TCF7L1: variants seen among roughly 807,000 people sequenced by gnomAD.
TCF7L1 encodes the protein transcription factor 7 like 1.
Under a neutral mutation model 63.7 loss-of-function variants are expected in TCF7L1, and 18 were observed. That is an observed-to-expected ratio of 0.28 (90% CI 0.20 to 0.42). The LOEUF (loss-of-function observed/expected upper bound fraction) is 0.42. Among genes scored for constraint, TCF7L1 ranks in the 10% least tolerant of loss-of-function variants. The pLI is 1.00. For missense variants in TCF7L1, 654 were observed against 779.3 expected (o/e 0.84, Z 1.91); for synonymous variants, 355 against 340.9 (o/e 1.04, Z -0.46).
Position 85,304,301 on chromosome 2 carries a change from C to T in TCF7L1, c.808C>T (p.Pro270Ser). Reference sequence around the variant, plus strand: ...CCTTCCTCCCGGTGGCTTCCGGCACCCTTACCCCGCCCTCGCCATGAACGC... The same window carrying T: ...CCTTCCTCCCGGTGGCTTCCGGCACTCTTACCCCGCCCTCGCCATGAACGC... ...YSLPPGGFRH[P>S]YPALAMNASM... is the part of the protein sequence containing the mutation. Residue 270 changes from proline (P) to serine (S), a missense_variant, in exon 7 of 12, where the codon CCT becomes TCT. Around this residue, in one of 3 missense-constraint regions of TCF7L1, gnomAD observed 404 missense variants for 454.8 expected, o/e 0.89. Coordinates refer to ENST00000282111, the MANE Select transcript of TCF7L1 (RefSeq NM_031283.3). The T allele has an allele frequency of 6.2e-7, 1 of 1,614,110 alleles. No homozygotes were observed. Among genetic ancestry groups the T allele is most frequent in the Non-Finnish European group, 8.5e-7 (1 of 1,180,004 alleles).
chr2:85,256,173 T>C (rs1680712265), intron 3 of TCF7L1, among the ~76,000 whole-genome samples: 1 of 152,230 alleles, frequency 6.6e-6, no homozygotes, highest in African/African-American at 2.4e-5. Context: ...TCGGGCAGTT[T>C]CTGGCTTCGA....
intron 3 of TCF7L1, among the ~76,000 whole-genome samples, chr2:85,212,192 C>T (rs1214575870): frequency 6.6e-6 from 1 of 151,458 alleles, no homozygotes; most frequent in African/African-American, 2.4e-5. Context: ...CGGTAACAGT[C>T]AGCAGCCCCC....
chr2:85,247,947 C>T (rs1184016576), intron 3 of TCF7L1, among the ~76,000 whole-genome samples: 1 of 152,116 alleles, frequency 6.6e-6, no homozygotes, highest in Non-Finnish European at 1.5e-5. Context: ...CGAATCTAGG[C>T]CAGCATGCAG....
intron 3 of TCF7L1, among the ~76,000 whole-genome samples, chr2:85,196,633 G>C (rs140249057): frequency 1.5e-4 from 22 of 151,650 alleles, no homozygotes; most frequent in Non-Finnish European, 2.9e-4. Context: ...ACCTCCTAAA[G>C]TGCTGGGATT....
At chr2:85,188,190 G>T (rs1421051423) in intron 3 of TCF7L1, among the ~76,000 whole-genome samples, 2 of 152,092 alleles carry the variant, frequency 1.3e-5, no homozygotes, top group Admixed American at 6.6e-5. Context: ...GGTGGTAATG[G>T]TACAGTTTAG....
At chr2:85,171,635 A>C (rs2104236476) in intron 3 of TCF7L1, among the ~76,000 whole-genome samples, 1 of 152,366 alleles carries the variant, frequency 6.6e-6, no homozygotes, top group East Asian at 1.9e-4. Flanking sequence ...CATTTTTATA[A>C]GTCAGAAATA....
intron 3 of TCF7L1, among the ~76,000 whole-genome samples, chr2:85,256,101 G>A (rs968859085): frequency 3.3e-5 from 5 of 152,252 alleles, no homozygotes; most frequent in Admixed American, 2.0e-4. Flanking sequence ...CTCAGGAGGG[G>A]AGGAGGGGTG....
chr2:85,286,833 T>C (rs1459277179), intron 4 of TCF7L1, among the ~76,000 whole-genome samples: 2 of 152,116 alleles, frequency 1.3e-5, no homozygotes, highest in Non-Finnish European at 1.5e-5. Flanking sequence ...CATTCACACC[T>C]ATAGTCCCAT....
chr2:85,189,537 G>A (rs1238215846), intron 3 of TCF7L1, among the ~76,000 whole-genome samples: 2 of 152,238 alleles, frequency 1.3e-5, no homozygotes, highest in Non-Finnish European at 2.9e-5. Context: ...GCCATCCTCT[G>A]CTGCTGTTAC....
chr2:85,142,768 G>A (rs1343105823), intron 3 of TCF7L1, among the ~76,000 whole-genome samples: 3 of 152,186 alleles, frequency 2.0e-5, no homozygotes, highest in Admixed American at 2.0e-4. Context: ...GGAACCATGA[G>A]GGGAGTGAAG....
chr2:85,287,978 C>T (rs934939727), intron 4 of TCF7L1, among the ~76,000 whole-genome samples: 5 of 152,044 alleles, frequency 3.3e-5, no homozygotes, highest in Middle Eastern at 3.2e-3. Flanking sequence ...AGTCGTTGTG[C>T]GAAAATGAGC....
At chr2:85,259,833 G>C (rs1397488293) in intron 3 of TCF7L1, among the ~76,000 whole-genome samples, 2 of 152,132 alleles carry the variant, frequency 1.3e-5, no homozygotes, top group Non-Finnish European at 2.9e-5. Context: ...TGTTGAATGA[G>C]GAAAGGAAAA....
chr2:85,261,129 T>G (rs1183289688), intron 3 of TCF7L1, among the ~76,000 whole-genome samples: 1,245 of 89,706 alleles, frequency 0.014, 10 homozygotes, highest in Non-Finnish European at 0.024. Flanking sequence ...TGCTGGTGTG[T>G]GTGTGTGTGT....
chr2:85,151,678 T>C (rs1160372366), intron 3 of TCF7L1, among the ~76,000 whole-genome samples: 1 of 152,222 alleles, frequency 6.6e-6, no homozygotes, highest in African/African-American at 2.4e-5. Flanking sequence ...GTCTACAGGC[T>C]GAGACCAGTT....
chr2:85,249,029 G>C (rs1011377506), intron 3 of TCF7L1, among the ~76,000 whole-genome samples: 7 of 152,008 alleles, frequency 4.6e-5, no homozygotes, highest in African/African-American at 1.7e-4. Flanking sequence ...AGTAGGGAAA[G>C]GGGGAGTGAA....
At chr2:85,156,576 A>G (rs965235346) in intron 3 of TCF7L1, among the ~76,000 whole-genome samples, 1 of 152,242 alleles carries the variant, frequency 6.6e-6, no homozygotes, top group Non-Finnish European at 1.5e-5. Flanking sequence ...GTCTGCAGGC[A>G]GTCTTTACGA....
At chr2:85,175,222 C>G (rs1446975383) in intron 3 of TCF7L1, among the ~76,000 whole-genome samples, 1 of 152,202 alleles carries the variant, frequency 6.6e-6, no homozygotes, top group Non-Finnish European at 1.5e-5. Context: ...GCTCTTTGGA[C>G]AGGGGATCAG....
At chr2:85,263,241 G>A (rs1276484986) in intron 3 of TCF7L1, among the ~76,000 whole-genome samples, 1 of 152,044 alleles carries the variant, frequency 6.6e-6, no homozygotes, top group Non-Finnish European at 1.5e-5. Flanking sequence ...AGTTGGAGAT[G>A]GGAAGGGTAG....
intron 3 of TCF7L1, among the ~76,000 whole-genome samples, chr2:85,265,292 TAA>T (rs5832641): frequency 4.8e-5 from 7 of 146,266 alleles, no homozygotes; most frequent in African/African-American, 2.5e-5. Context: ...CCTGGGAGCT[TAA>T]AAAAAAAAAA....
Sources: allele counts gnomAD v4.1 joint callset (sites outside exome capture counted in the v4.1 genomes callset), GRCh38; gene constraint gnomAD v4.1.1; regional missense constraint gnomAD v4.1.1; transcripts MANE v1.5; gene names NCBI Gene and HGNC (gene_info 2026-07-23, HGNC 2026-07-21).